The following SLC22A9 variants were observed in gnomAD, a reference collection of about 807,000 sequenced individuals.
SLC22A9 encodes organic anion transporter 7.
Under a neutral mutation model 50.1 loss-of-function variants are expected in SLC22A9, and 64 were observed. The observed-to-expected ratio is 1.28, with a 90% CI of 1.04 to 1.57. The LOEUF is 1.57. Ranked by LOEUF, SLC22A9 falls within the 40% of genes most tolerant of loss-of-function variation. The pLI is 0.00. For synonymous variants in SLC22A9, 261 were observed against 242.5 expected, an observed-to-expected ratio of 1.08 and a Z score of -0.71; for missense variants, 757 against 676.1, an observed-to-expected ratio of 1.12 and a Z score of -1.33.
intron 6 of SLC22A9, among the ~76,000 whole-genome samples, chr11:63,402,743 G>GAA (rs1294461187): frequency 3.3e-5 from 5 of 151,900 alleles, no homozygotes; most frequent in African/African-American, 1.2e-4. Flanking sequence ...ATCAGAACTT[G>GAA]AACACTAATC....
chr11:63,403,458 A>G (rs1265254926), intron 6 of SLC22A9, among the ~76,000 whole-genome samples: 1 of 152,140 alleles, frequency 6.6e-6, no homozygotes, highest in African/African-American at 2.4e-5. Flanking sequence ...CTCCATTATT[A>G]TTATTTCCAA....
rs769269694 is a variant in SLC22A9 at position 63,375,664 on chromosome 11, C to T, written c.850C>T (p.Arg284Trp). Reference protein sequence around the residue: ...LTSSWLLESARWLIINNKPEE... With the variant: ...LTSSWLLESAWWLIINNKPEE... Reference sequence around the variant, plus strand: ...GGTCAGTTGGCTGCTAGAGTCTGCTCGGTGGCTCATTATCAACAATAAACC... The same window carrying T: ...GGTCAGTTGGCTGCTAGAGTCTGCTTGGTGGCTCATTATCAACAATAAACC... The change falls in exon 5 of 10, where the codon CGG (arginine) becomes TGG (tryptophan). Residue 284 changes from arginine (R) to tryptophan (W), a missense_variant. Physicochemically the swap from Arg to Trp is moderately radical, Grantham distance 101. Coordinates refer to ENST00000279178, the MANE Select transcript of SLC22A9 (RefSeq NM_080866.3). 15 of 1,612,246 alleles carry T rather than the reference C, an allele frequency of 9.3e-6. No individual in the cohort carries two copies. The highest frequency in any genetic ancestry group is 8.8e-5 in the South Asian group (8 of 91,004).
intron 6 of SLC22A9, among the ~76,000 whole-genome samples, chr11:63,385,523 G>C (rs567834990): frequency 6.6e-6 from 1 of 152,066 alleles, no homozygotes; most frequent in African/African-American, 2.4e-5. Context: ...CTTGTTAGCT[G>C]TATTCCTAGG....
chr11:63,391,662 C>T (rs1442164536), intron 6 of SLC22A9, among the ~76,000 whole-genome samples: 1 of 151,912 alleles, frequency 6.6e-6, no homozygotes, highest in African/African-American at 2.4e-5. Context: ...CATAGAATAT[C>T]ATTTCCATCC....
intron 6 of SLC22A9, among the ~76,000 whole-genome samples, chr11:63,396,769 CT>C (rs2014865691): frequency 1.3e-5 from 2 of 151,848 alleles, no homozygotes; most frequent in Admixed American, 1.3e-4. Flanking sequence ...ATTTTTTTCT[CT>C]GTGTTATCTT....
At chr11:63,391,821 A>G (rs571618414) in intron 6 of SLC22A9, among the ~76,000 whole-genome samples, 2 of 149,886 alleles carry the variant, frequency 1.3e-5, no homozygotes, top group Non-Finnish European at 3.0e-5. Flanking sequence ...TATTGATTTT[A>G]AAAAAAAGAC....
chr11:63,403,472 G>A (rs1308684889), intron 6 of SLC22A9, among the ~76,000 whole-genome samples: 1 of 152,024 alleles, frequency 6.6e-6, no homozygotes, highest in Non-Finnish European at 1.5e-5. Flanking sequence ...TTTCCAAAGG[G>A]AAACCTTGAA....
At chr11:63,404,219 G>A (rs1355097762) in intron 6 of SLC22A9, among the ~76,000 whole-genome samples, 1 of 139,662 alleles carries the variant, frequency 7.2e-6, no homozygotes, top group African/African-American at 2.7e-5. Context: ...TAGCACAGAA[G>A]AACAAACACT....
chr11:63,389,015 A>G (rs1360217032), intron 6 of SLC22A9, among the ~76,000 whole-genome samples: 1 of 152,130 alleles, frequency 6.6e-6, no homozygotes, highest in Non-Finnish European at 1.5e-5. Context: ...GGTATCAGTT[A>G]CAATGTCTCC....
At chr11:63,379,891 C>T (rs1055377127) in intron 5 of SLC22A9, among the ~76,000 whole-genome samples, 1 of 152,110 alleles carries the variant, frequency 6.6e-6, no homozygotes, top group African/African-American at 2.4e-5. Context: ...GACATCATAC[C>T]TGACTAATTT....
At position 63,410,047 on chromosome 11, in the gene SLC22A9, T is replaced by A. The variant is rs1243910042; in HGVS notation, c.*185T>A. ...TGAGGTCAGAAGATAAAGACCACCC[T>A]GGCCAACATGGTGAAACCCTGTCTC... On this transcript the variant is annotated 3_prime_UTR_variant, in exon 10 of 10. Coordinates refer to ENST00000279178, the MANE Select transcript of SLC22A9 (RefSeq NM_080866.3). 3.9e-6 allele frequency: 2 copies of A among 513,526 alleles called. No individual in the cohort carries two copies. Among genetic ancestry groups the A allele is most frequent in the African/African-American group, 3.9e-5 (2 of 51,138 alleles). 31.8% of individuals were successfully genotyped at this position (513,526 alleles called of 1,614,324 possible). A position where few individuals can be genotyped will look rare whatever the true frequency, so the allele number is the denominator to read the frequency against.
intron 2 of SLC22A9, among the ~76,000 whole-genome samples, chr11:63,372,680 AC>A (rs1846859627): frequency 6.6e-6 from 1 of 152,126 alleles, no homozygotes; most frequent in African/African-American, 2.4e-5. Flanking sequence ...ATTAAGGTAG[AC>A]TTTTGTTTAA....
chr11:63,399,540 T>C (rs187312937), intron 6 of SLC22A9, among the ~76,000 whole-genome samples: 1 of 152,212 alleles, frequency 6.6e-6, no homozygotes, highest in East Asian at 1.9e-4. Context: ...TGGGAGCACC[T>C]AGATATATAA....
At chr11:63,388,335 T>A (rs2014704263) in intron 6 of SLC22A9, among the ~76,000 whole-genome samples, 1 of 152,010 alleles carries the variant, frequency 6.6e-6, no homozygotes, top group South Asian at 2.1e-4. Context: ...TGTTGAGGTA[T>A]GTTCTTCTAT....
intron 6 of SLC22A9, among the ~76,000 whole-genome samples, chr11:63,397,234 C>T (rs76277733): frequency 3.0e-4 from 46 of 152,284 alleles, no homozygotes; most frequent in African/African-American, 1.1e-3. Flanking sequence ...AACAAATGGG[C>T]ATTTTGTCTC....
rs929342684 is a variant in SLC22A9, at chr11:63,385,956, A to G, written c.1073+3679A>G. ...TGTCATAAATGGCTCTTATAATTTTAAGGTATGTTCCTTCAAGACCTAGTT... is the reference window on the plus strand; with the variant it reads ...TGTCATAAATGGCTCTTATAATTTTGAGGTATGTTCCTTCAAGACCTAGTT... On this transcript the variant is annotated intron_variant, in intron 6 of 9. Transcript: ENST00000279178. Among the ~76,000 whole-genome samples the G allele has an allele frequency of 4.6e-5, 7 of 152,122 alleles. No individual in the cohort carries two copies. The East Asian group carries it at 1.2e-3, about 25-fold the overall frequency.
intron 4 of SLC22A9, among the ~76,000 whole-genome samples, chr11:63,374,791 T>C (rs2014431745): frequency 6.6e-6 from 1 of 152,120 alleles, no homozygotes; most frequent in Non-Finnish European, 1.5e-5. Context: ...TTATAGGTGA[T>C]ATTGGATGAA....
intron 6 of SLC22A9, among the ~76,000 whole-genome samples, chr11:63,404,347 A>G (rs1156866330): frequency 6.6e-6 from 1 of 152,166 alleles, no homozygotes; most frequent in Non-Finnish European, 1.5e-5. Flanking sequence ...ATTTAAGGGC[A>G]TAAAGTATCA....
chr11:63,385,504 T>C (rs2014649781), intron 6 of SLC22A9, among the ~76,000 whole-genome samples: 1 of 152,162 alleles, frequency 6.6e-6, no homozygotes, highest in South Asian at 2.1e-4. Flanking sequence ...GAAGAGGTCC[T>C]TCATTTTCCT....
Sources: allele counts gnomAD v4.1 joint callset (sites outside exome capture counted in the v4.1 genomes callset), GRCh38; gene constraint gnomAD v4.1.1; transcripts MANE v1.5; gene names NCBI Gene and HGNC (gene_info 2026-07-23, HGNC 2026-07-21).